MRPS27: variants seen among roughly 807,000 people sequenced by gnomAD.
MRPS27 encodes the protein small ribosomal subunit protein mS27.
Under a neutral mutation model 48.9 loss-of-function variants are expected in MRPS27, and 43 were observed. The observed-to-expected ratio is 0.88, with a 90% CI of 0.69 to 1.13. The LOEUF is 1.13. Ranked by LOEUF, MRPS27 falls within the 50% of genes most tolerant of loss-of-function variation. MRPS27 has a pLI of 0.00. For synonymous variants in MRPS27, 188 were observed against 171.9 expected, an observed-to-expected ratio of 1.09 and a Z score of -0.73; for missense variants, 467 against 476.3, an observed-to-expected ratio of 0.98 and a Z score of 0.18.
intron 4 of MRPS27, among the ~76,000 whole-genome samples, chr5:72,239,598 A>G (rs967800798): frequency 6.6e-6 from 1 of 152,182 alleles, no homozygotes; most frequent in Non-Finnish European, 1.5e-5. Context: ...TAGATACTCA[A>G]TCTTATAAGA....
At chr5:72,319,764 C>T (rs1750696378) in intron 1 of MRPS27, among the ~76,000 whole-genome samples, 1 of 152,056 alleles carries the variant, frequency 6.6e-6, no homozygotes, top group Admixed American at 6.5e-5. Flanking sequence ...CCAGGCTGGT[C>T]TCGAACTCCT....
At chr5:72,233,560 C>T (rs1434007835) in intron 6 of MRPS27, among the ~76,000 whole-genome samples, 2 of 152,042 alleles carry the variant, frequency 1.3e-5, no homozygotes, top group African/African-American at 2.4e-5. Context: ...TGGTTTTGCA[C>T]ATGTCATGGT....
intron 8 of MRPS27, 101 bp from the exon 9 acceptor site, chr5:72,226,300 T>C (rs1747895845): frequency 2.2e-6 from 3 of 1,337,508 alleles, no homozygotes; most frequent in African/African-American, 1.4e-5. Flanking sequence ...CTGGCAGCAC[T>C]AGAAATAGAG....
At chr5:72,242,668 AC>A (rs1748389372) in intron 4 of MRPS27, among the ~76,000 whole-genome samples, 1 of 21,476 alleles carries the variant, frequency 4.7e-5, no homozygotes, top group Non-Finnish European at 2.2e-4. Context: ...CCCCGTCTAC[AC>A]ACACACACAC....
At chr5:72,289,425 TC>T (rs1485162357) in intron 4 of MRPS27, among the ~76,000 whole-genome samples, 4 of 151,912 alleles carry the variant, frequency 2.6e-5, no homozygotes, top group Non-Finnish European at 4.4e-5. Context: ...AATGCTATAT[TC>T]TTTTTTTTTT....
rs1309750781 is a variant in MRPS27 at position 72,280,073 on chromosome 5, A to G, written c.281+15458T>C. 2.0e-5 allele frequency among the ~76,000 whole-genome samples: 3 copies of G among 152,178 alleles called. No individual in the cohort carries two copies. The East Asian group carries it at 5.8e-4, about 29-fold the overall frequency. On this transcript the variant is annotated intron_variant, in intron 4 of 10. Coordinates refer to ENST00000261413, the MANE Select transcript of MRPS27 (RefSeq NM_015084.3). ...TGGGTTCTCTCTATTCTGCTCCACT[A>G]GTCTATTTGTCTACATCTAAGCCAT...
At chr5:72,306,802 A>C (rs536460941) in intron 2 of MRPS27, among the ~76,000 whole-genome samples, 7 of 152,200 alleles carry the variant, frequency 4.6e-5, no homozygotes, top group Non-Finnish European at 8.8e-5. Context: ...ATATAAAAAA[A>C]CCCCGATAAT....
chr5:72,252,993 A>G (rs1350816777), intron 4 of MRPS27, among the ~76,000 whole-genome samples: 1 of 152,152 alleles, frequency 6.6e-6, no homozygotes, highest in Non-Finnish European at 1.5e-5. Context: ...CTCCTCTGCT[A>G]GAGTTGGGTA....
At chr5:72,315,094 G>T (rs1750531482) in intron 1 of MRPS27, among the ~76,000 whole-genome samples, 1 of 152,176 alleles carries the variant, frequency 6.6e-6, no homozygotes, top group Non-Finnish European at 1.5e-5. Context: ...AGAATGAATG[G>T]CAAGTTCATC....
chr5:72,303,376 G>A (rs1366031615), intron 2 of MRPS27, among the ~76,000 whole-genome samples: 5 of 152,166 alleles, frequency 3.3e-5, no homozygotes, highest in Middle Eastern at 3.4e-3. Flanking sequence ...TGAACTGAAA[G>A]GCAGATAATT....
intron 2 of MRPS27, among the ~76,000 whole-genome samples, chr5:72,303,533 C>G (rs1290297730): frequency 6.6e-6 from 1 of 151,864 alleles, no homozygotes; most frequent in Non-Finnish European, 1.5e-5. Flanking sequence ...TGTATACAAT[C>G]TCAAGTCAAA....
chr5:72,223,565 T>G, intron 10 of MRPS27, 118 bp downstream of exon 10: 1 of 1,225,564 alleles, frequency 8.2e-7, no homozygotes, highest in Non-Finnish European at 1.1e-6. Flanking sequence ...TAATTTTTGA[T>G]GTCAGTTTTT....
chr5:72,292,543 G>A (rs1561357517), intron 4 of MRPS27, among the ~76,000 whole-genome samples: 1 of 152,170 alleles, frequency 6.6e-6, no homozygotes, highest in South Asian at 2.1e-4. Flanking sequence ...TGGGATGATA[G>A]GGTGATAATA....
At chr5:72,302,625 A>G (rs1255648777) in intron 2 of MRPS27, among the ~76,000 whole-genome samples, 1 of 152,244 alleles carries the variant, frequency 6.6e-6, no homozygotes, top group Non-Finnish European at 1.5e-5. Flanking sequence ...AAGAAGGTAG[A>G]TGTAACTGTC....
At chr5:72,250,244 A>T (rs1748629750) in intron 4 of MRPS27, among the ~76,000 whole-genome samples, 1 of 152,196 alleles carries the variant, frequency 6.6e-6, no homozygotes. Context: ...AATGTTAGAG[A>T]TAATGTTGTA....
chr5:72,227,574 A>G (rs557030642), intron 8 of MRPS27: 1 of 152,338 alleles, frequency 6.6e-6, no homozygotes, highest in East Asian at 1.9e-4. Context: ...ACGATGGGAG[A>G]GTAATGAAAT....
intron 2 of MRPS27, among the ~76,000 whole-genome samples, chr5:72,313,242 T>A (rs1051067151): frequency 3.3e-5 from 5 of 152,180 alleles, no homozygotes; most frequent in Non-Finnish European, 7.3e-5. Context: ...GAGACAGCAA[T>A]GTCTCCTGCA....
intron 4 of MRPS27, among the ~76,000 whole-genome samples, chr5:72,274,985 C>A (rs893437503): frequency 4.6e-5 from 7 of 152,132 alleles, no homozygotes; most frequent in African/African-American, 1.7e-4. Context: ...AGGATGCCCT[C>A]TCTTACCACT....
chr5:72,228,334 A>C lies in MRPS27; in HGVS notation c.626T>G (p.Leu209Trp). 6.2e-7 allele frequency: 1 copy of C among 1,613,564 alleles called. No individual in the cohort carries two copies. The highest frequency in any genetic ancestry group is 1.3e-5 in the African/African-American group (1 of 74,990). ...EEERNFGASLLLPGLKQKNSV... is the reference protein window; with the variant it reads ...EEERNFGASLWLPGLKQKNSV... The stretch of plus-strand genomic sequence containing the variant: ...GTTCTTTTGTTTTAGGCCTGGAAGC[A>C]AAAGGGATGCACCAAAGTTCCTCTC... The change falls in exon 8 of 11, where the codon TTG becomes TGG. Residue 209 changes from leucine (L) to tryptophan (W), a missense_variant. Physicochemically the swap from Leu to Trp is moderately conservative, Grantham distance 61. Transcript: ENST00000261413.
Sources: allele counts gnomAD v4.1 joint callset (sites outside exome capture counted in the v4.1 genomes callset), GRCh38; gene constraint gnomAD v4.1.1; transcripts MANE v1.5; gene names NCBI Gene and HGNC (gene_info 2026-07-23, HGNC 2026-07-21).